ABR: variants seen among roughly 807,000 people sequenced by gnomAD.
The protein encoded by ABR is ABR activator of RhoGEF and GTPase, also known as active breakpoint cluster region-related protein.
In ABR, 35 loss-of-function variants were observed where a neutral mutation model predicts 107.2. That is an observed-to-expected ratio of 0.33 (90% CI 0.25 to 0.43). ABR has a LOEUF of 0.43. ABR is among the 20% of genes least tolerant of loss of function. The probability of loss-of-function intolerance (pLI) is 1.00; values close to 1 mark genes in which losing one functional copy is unlikely to be tolerated. For missense variants in ABR, 815 were observed against 1,115.2 expected (o/e 0.73, Z 3.83); for synonymous variants, 498 against 462.0 (o/e 1.08, Z -1.00).
rs2041072420 is a variant in ABR at position 1,157,058 on chromosome 17, C to T, written c.61+22609G>A. On this transcript the variant is annotated intron_variant, in intron 1 of 22. Transcript: ENST00000302538. This position sits in a 1 kb window ranked among gnomAD's most constrained non-coding sequence, Gnocchi z 4.7. ...ATACGATAAGTTAACTCACCGCAGCCTCACACCGCGCCAGGAGGCAGGCAC... is the reference window on the plus strand; with the variant it reads ...ATACGATAAGTTAACTCACCGCAGCTTCACACCGCGCCAGGAGGCAGGCAC... 6.6e-6 allele frequency among the ~76,000 whole-genome samples: 1 copy of T among 152,148 alleles called. No individual in the cohort carries two copies. The highest frequency in any genetic ancestry group is 1.5e-5 in the Non-Finnish European group (1 of 68,032).
At chr17:1,213,241 A>C (rs2150743633) in intron 1 of ABR, among the ~76,000 whole-genome samples, 1 of 152,320 alleles carries the variant, frequency 6.6e-6, no homozygotes, top group African/African-American at 2.4e-5. Flanking sequence ...TTTCTCCCAA[A>C]CACTGTGCCG....
rs1249552037 is a variant in ABR, at chr17:1,050,190, A to G, written c.1660-9T>C. ...AGCTCGATCTCAAACTCCTGGGGAA[A>G]GATGGGACAAAGGGCCCTGAACCTC... On this transcript the variant is annotated splice_polypyrimidine_tract_variant and intron_variant, in intron 15 of 22. Coordinates refer to ENST00000302538, the MANE Select transcript of ABR (RefSeq NM_021962.5). This position sits in a 1 kb window ranked among gnomAD's most constrained non-coding sequence, Gnocchi z 4.6. 6.2e-7 allele frequency: 1 copy of G among 1,610,546 alleles called. No individual in the cohort carries two copies.
intron 1 of ABR, among the ~76,000 whole-genome samples, chr17:1,143,734 G>A (rs1358475450): frequency 6.6e-6 from 1 of 152,222 alleles, no homozygotes; most frequent in East Asian, 1.9e-4. Context: ...AGAAGTGGCC[G>A]CCTGGAGAAG....
At chr17:1,109,049 G>A (rs767927531) in intron 2 of ABR, 1 of 1,596,018 alleles carries the variant, frequency 6.3e-7, no homozygotes, top group Non-Finnish European at 8.5e-7. Flanking sequence ...CAAGCCTATC[G>A]CCTCCTCTTC....
chr17:1,229,472 C>T (rs2043294864), exon 1 of ABR, among the ~76,000 whole-genome samples: 1 of 151,946 alleles, frequency 6.6e-6, no homozygotes, highest in Non-Finnish European at 1.5e-5. Context: ...AGGCTTTGAG[C>T]TGCTCCTCCG....
chr17:1,202,346 A>C (rs1357040791), intron 1 of ABR, among the ~76,000 whole-genome samples: 1 of 152,214 alleles, frequency 6.6e-6, no homozygotes, highest in Non-Finnish European at 1.5e-5. Flanking sequence ...TCTTTATAAC[A>C]GATGCAGCCA....
At chr17:1,024,092 G>T (rs980809070) in intron 16 of ABR, among the ~76,000 whole-genome samples, 4 of 143,084 alleles carry the variant, frequency 2.8e-5, no homozygotes, top group Non-Finnish European at 4.5e-5. Flanking sequence ...CACCCTCCCT[G>T]CCCGGGCCCA....
chr17:1,179,744 G>C lies in ABR; in HGVS notation c.-17C>G, dbSNP rs762697628. 9 of 1,508,548 alleles carry C rather than the reference G, an allele frequency of 6.0e-6. No homozygotes were observed. The highest frequency in any genetic ancestry group is 8.0e-6 in the Non-Finnish European group (9 of 1,127,246). The allele number at this position is 1,508,548 out of a possible 1,614,324, so 93.4% of individuals were successfully genotyped here. A position where few individuals can be genotyped will look rare whatever the true frequency, so the allele number is the denominator to read the frequency against. Reference sequence around the variant, plus strand: ...CGGCTCCATCCCGCGGCGGCGGCTCGGTCAGATCCGAAACCCGACCCTCAT... The same window carrying C: ...CGGCTCCATCCCGCGGCGGCGGCTCCGTCAGATCCGAAACCCGACCCTCAT... On this transcript the variant is annotated 5_prime_UTR_variant, in exon 1 of 23. Coordinates refer to ENST00000302538, the MANE Select transcript of ABR (RefSeq NM_021962.5). The surrounding 1 kb of genome is among the most constrained non-coding windows in gnomAD (Gnocchi z 4.9).
At chr17:1,207,772 T>G (rs955673575) in intron 1 of ABR, among the ~76,000 whole-genome samples, 9 of 152,158 alleles carry the variant, frequency 5.9e-5, no homozygotes, top group African/African-American at 2.2e-4. Context: ...TTTTGTTTGT[T>G]TGTTGTTTTG....
In ABR at chr17:1,078,912, G is replaced by A. The variant is rs184567562; in HGVS notation, c.700+418C>T. ...GTGCAGCCATCGCTCCAGGCTCCCCGGCGCCCACCAGCAGCCCGGCCACTC... is the reference window on the plus strand; with the variant it reads ...GTGCAGCCATCGCTCCAGGCTCCCCAGCGCCCACCAGCAGCCCGGCCACTC... On this transcript the variant is annotated intron_variant, in intron 6 of 22. Coordinates refer to ENST00000302538, the MANE Select transcript of ABR (RefSeq NM_021962.5). The surrounding 1 kb of genome is among the most constrained non-coding windows in gnomAD (Gnocchi z 7.5). 21,480 of 1,533,336 alleles carry A rather than the reference G, an allele frequency of 0.014. 183 individuals are homozygous for A. Among genetic ancestry groups the A allele is most frequent in the Middle Eastern group, 0.029 (173 of 5,966 alleles). 95.0% of individuals were successfully genotyped at this position (1,533,336 alleles called of 1,614,324 possible). A position where few individuals can be genotyped will look rare whatever the true frequency, so the allele number is the denominator to read the frequency against.
intron 1 of ABR, among the ~76,000 whole-genome samples, chr17:1,203,672 C>T (rs2150725211): frequency 6.6e-6 from 1 of 152,258 alleles, no homozygotes; most frequent in South Asian, 2.1e-4. Context: ...GAGGTTTCGG[C>T]GGGAGCGGTG....
At chr17:1,178,448 C>T (rs912394210) in intron 1 of ABR, among the ~76,000 whole-genome samples, 4 of 151,912 alleles carry the variant, frequency 2.6e-5, no homozygotes, top group Non-Finnish European at 4.4e-5. Context: ...CCTGTAATCC[C>T]AGCTACTCAG....
rs573588187 is a variant in ABR, at chr17:1,113,146, T to C, written c.246+12037A>G. Among the ~76,000 whole-genome samples, 4 of 152,176 alleles carry C rather than the reference T, an allele frequency of 2.6e-5. No homozygotes were observed. The South Asian group carries it at 8.3e-4, about 32-fold the overall frequency. On this transcript the variant is annotated intron_variant, in intron 2 of 22. Coordinates refer to ENST00000302538, the MANE Select transcript of ABR (RefSeq NM_021962.5). ...CGGAGCTGACAGTCTCAGGGACAGA[T>C]TGACCTGGTGACTGACTCCCAAGGC...
rs550679061 is a variant in ABR, at chr17:1,092,297, G to A, written c.346-447C>T. 4.6e-5 allele frequency among the ~76,000 whole-genome samples: 7 copies of A among 152,280 alleles called. No homozygotes were observed. The highest frequency in any genetic ancestry group is 5.9e-5 in the Non-Finnish European group (4 of 68,034). ...GTGGTTCTAGGACTCAGAAGGTAGG[G>A]ACCCGAAGTTACTCAAGACCAGTCT... On this transcript the variant is annotated intron_variant, in intron 3 of 22. Coordinates refer to ENST00000302538, the MANE Select transcript of ABR (RefSeq NM_021962.5). The surrounding 1 kb of genome is among the most constrained non-coding windows in gnomAD (Gnocchi z 4.6).
intron 10 of ABR, among the ~76,000 whole-genome samples, chr17:1,061,208 G>C (rs922749569): frequency 6.6e-6 from 1 of 151,928 alleles, no homozygotes; most frequent in South Asian, 2.1e-4. Flanking sequence ...CTGTTGACTC[G>C]ACTGGGCACA....
Position 1,092,490 on chromosome 17 carries a change from C to T in ABR, c.346-640G>A, listed in dbSNP as rs948313048. 6.6e-5 allele frequency among the ~76,000 whole-genome samples: 10 copies of T among 152,186 alleles called. No homozygotes were observed. The highest frequency in any genetic ancestry group is 1.5e-4 in the Non-Finnish European group (10 of 68,044). The stretch of plus-strand genomic sequence containing the variant: ...TCCAGTCTCAGACTCTTTCTCAATG[C>T]CTGCCTGTCTATACCAAGATGCTCC... On this transcript the variant is annotated intron_variant, in intron 3 of 22. Coordinates refer to ENST00000302538, the MANE Select transcript of ABR (RefSeq NM_021962.5). This position sits in a 1 kb window ranked among gnomAD's most constrained non-coding sequence, Gnocchi z 4.6.
At chr17:1,075,207 G>A (rs376366187) in intron 6 of ABR, among the ~76,000 whole-genome samples, 19 of 152,344 alleles carry the variant, frequency 1.2e-4, no homozygotes, top group Middle Eastern at 6.8e-3. Context: ...ACGCGGCTGC[G>A]CCCACCCTCC....
At chr17:1,178,549 G>A (rs574047197) in intron 1 of ABR, among the ~76,000 whole-genome samples, 2 of 143,344 alleles carry the variant, frequency 1.4e-5, no homozygotes, top group South Asian at 2.3e-4. Context: ...GGGCGACAGA[G>A]CCGAGACTCC....
At chr17:1,061,434 G>A (rs12603089) in intron 10 of ABR, among the ~76,000 whole-genome samples, 1 of 152,218 alleles carries the variant, frequency 6.6e-6, no homozygotes, top group African/African-American at 2.4e-5. Flanking sequence ...ACACTCCTGG[G>A]GCTGTAATGG....
Sources: allele counts gnomAD v4.1 joint callset (sites outside exome capture counted in the v4.1 genomes callset), GRCh38; gene constraint gnomAD v4.1.1; non-coding constraint Gnocchi (gnomAD v3.1); transcripts MANE v1.5; gene names NCBI Gene and HGNC (gene_info 2026-07-23, HGNC 2026-07-21).